The following CNGA3 variants were observed in gnomAD, a reference collection of about 807,000 sequenced individuals.
CNGA3 encodes cyclic nucleotide gated channel subunit alpha 3, also known as cyclic nucleotide-gated channel alpha-3.
Under a neutral mutation model 46.6 loss-of-function variants are expected in CNGA3, and 42 were observed. The observed-to-expected ratio is 0.90, with a 90% CI of 0.70 to 1.17. The LOEUF (loss-of-function observed/expected upper bound fraction) is 1.17. Among genes scored for constraint, CNGA3 ranks in the 50% most tolerant of loss-of-function variants. The probability of loss-of-function intolerance (pLI) is 0.00; values close to 1 mark genes in which losing one functional copy is unlikely to be tolerated. For missense variants in CNGA3, 893 were observed against 890.7 expected, an observed-to-expected ratio of 1.00 and a Z score of -0.03; for synonymous variants, 394 against 369.4, an observed-to-expected ratio of 1.07 and a Z score of -0.76.
intron 2 of CNGA3, among the ~76,000 whole-genome samples, chr2:98,374,534 C>T (rs1264349543): frequency 6.6e-6 from 1 of 152,186 alleles, no homozygotes; most frequent in Non-Finnish European, 1.5e-5. Context: ...CCTGGCCCCA[C>T]GACTCTCATT....
At chr2:98,376,727 G>A (rs1692413321) in intron 2 of CNGA3, among the ~76,000 whole-genome samples, 1 of 152,208 alleles carries the variant, frequency 6.6e-6, no homozygotes, top group African/African-American at 2.4e-5. Context: ...AACAGGTCAT[G>A]TGATAGAATT....
In CNGA3 at chr2:98,397,198, C is replaced by G; in HGVS notation, c.2028C>G (p.Pro676=). The stretch of plus-strand genomic sequence containing the variant: ...AGGTGAAGGGTGGTGGGGACAAGCC[C>G]CTGGCTGATGGGGAAGTTCCCGGGG... ...ESQVKGGGDK[P]LADGEVPGDA... is the part of the protein sequence containing the mutation. The change falls in exon 8 of 8, where the codon CCC becomes CCG. Residue 676 remains proline (P), a synonymous_variant. Coordinates refer to ENST00000272602, the MANE Select transcript of CNGA3 (RefSeq NM_001298.3). 6.2e-7 allele frequency: 1 copy of G among 1,614,036 alleles called. No individual in the cohort carries two copies. The highest frequency in any genetic ancestry group is 8.5e-7 in the Non-Finnish European group (1 of 1,180,006).
At chr2:98,367,176 CTTTTTTTTCTT>C (rs1197953063) in intron 1 of CNGA3, among the ~76,000 whole-genome samples, 2 of 115,528 alleles carry the variant, frequency 1.7e-5, no homozygotes, top group African/African-American at 6.5e-5. Flanking sequence ...TGTTTTTTTT[CTTTTTTTTCTT>C]TTTTTTTTTT....
At chr2:98,377,936 C>A in intron 3 of CNGA3, 136 bp downstream of exon 3, 1 of 1,323,736 alleles carries the variant, frequency 7.6e-7, no homozygotes, top group Non-Finnish European at 1.0e-6. Flanking sequence ...AGCAGAGCAG[C>A]CTGAAAACTA....
intron 1 of CNGA3, among the ~76,000 whole-genome samples, 185 bp downstream of exon 1, chr2:98,346,719 G>A (rs891678660): frequency 6.6e-6 from 1 of 152,108 alleles, no homozygotes; most frequent in African/African-American, 2.4e-5. Context: ...GCGGGCTGGA[G>A]AGAAAGTGAA....
At chr2:98,383,169 T>C (rs1433303478) in intron 4 of CNGA3, among the ~76,000 whole-genome samples, 2 of 152,184 alleles carry the variant, frequency 1.3e-5, no homozygotes, top group Non-Finnish European at 2.9e-5. Flanking sequence ...AGTTTAGCCA[T>C]GTTCACTCTC....
chr2:98,376,302 A>G (rs1267824563), intron 2 of CNGA3, among the ~76,000 whole-genome samples: 1 of 152,024 alleles, frequency 6.6e-6, no homozygotes, highest in Non-Finnish European at 1.5e-5. Flanking sequence ...TGCTCACAGG[A>G]GAAGGACCAT....
intron 3 of CNGA3, 191 bp downstream of exon 3, chr2:98,377,991 A>G (rs1415080405): frequency 4.7e-6 from 7 of 1,499,010 alleles, no homozygotes; most frequent in South Asian, 2.6e-5. Context: ...GAGCTCAGAA[A>G]AGTCTAAGGA....
intron 1 of CNGA3, among the ~76,000 whole-genome samples, chr2:98,356,916 A>G (rs190165956): frequency 7.9e-4 from 121 of 152,340 alleles, no homozygotes; most frequent in African/African-American, 2.8e-3. Context: ...GGAAATTTTC[A>G]GTGTGACTCA....
At chr2:98,346,742 A>G (rs1691633516) in intron 1 of CNGA3, among the ~76,000 whole-genome samples, 1 of 151,960 alleles carries the variant, frequency 6.6e-6, no homozygotes. Flanking sequence ...AGGATCGGCT[A>G]CGGCCTCGGC....
intron 1 of CNGA3, among the ~76,000 whole-genome samples, chr2:98,367,351 C>G (rs1023301848): frequency 6.6e-6 from 1 of 151,730 alleles, no homozygotes; most frequent in Non-Finnish European, 1.5e-5. Context: ...CCCACCACCA[C>G]GCCCGGCTAA....
intron 1 of CNGA3, among the ~76,000 whole-genome samples, chr2:98,368,455 AT>A (rs1202255644): frequency 7.2e-5 from 11 of 152,232 alleles, no homozygotes; most frequent in African/African-American, 2.4e-4. Flanking sequence ...TGAAAGACTT[AT>A]CCAAAAATCA....
intron 5 of CNGA3, among the ~76,000 whole-genome samples, chr2:98,389,025 C>T (rs1028670163): frequency 1.8e-4 from 27 of 152,358 alleles, no homozygotes; most frequent in Admixed American, 1.5e-3. Flanking sequence ...GTTAAGCACT[C>T]TAAGCTATGT....
In CNGA3 at chr2:98,395,981, C is replaced by G. The variant is rs149802213; in HGVS notation, c.811C>G (p.Pro271Ala). ...LAYLKVGTNY[P>A]EVRFNRLLKF... ...TTACTTAAAGGTGGGCACAAACTACCCAGAAGTGAGGTTCAACCGCCTACT... is the reference window on the plus strand; with the variant it reads ...TTACTTAAAGGTGGGCACAAACTACGCAGAAGTGAGGTTCAACCGCCTACT... Residue 271 changes from proline (P) to alanine (A), a missense_variant, in exon 8 of 8, where the codon CCA (proline) becomes GCA (alanine). Physicochemically the swap from Pro to Ala is conservative, Grantham distance 27 (BLOSUM62 -1). Coordinates refer to ENST00000272602, the MANE Select transcript of CNGA3 (RefSeq NM_001298.3). 195 of 1,614,178 alleles carry G rather than the reference C, an allele frequency of 1.2e-4. No individual in the cohort carries two copies. Among genetic ancestry groups the G allele is most frequent in the Middle Eastern group, 1.2e-3 (7 of 6,062 alleles).
At chr2:98,353,714 A>G (rs1041915306) in intron 1 of CNGA3, among the ~76,000 whole-genome samples, 1 of 152,184 alleles carries the variant, frequency 6.6e-6, no homozygotes, top group Non-Finnish European at 1.5e-5. Flanking sequence ...GAACTTGGTA[A>G]TTTATAAAGA....
rs1332259500 is a variant in CNGA3 at position 98,346,513 on chromosome 2, G to T, written c.-59G>T. ...GCTCCGCAGACCCTGGCGCGCCGCG[G>T]AGAAGCTCAAACTTTGGCAGGGTAA... is the stretch of plus-strand genomic sequence containing the variant. On this transcript the variant is annotated 5_prime_UTR_variant, in exon 1 of 8. Coordinates refer to ENST00000272602, the MANE Select transcript of CNGA3 (RefSeq NM_001298.3). 1 of 398,206 alleles carries T rather than the reference G, an allele frequency of 2.5e-6. No individual in the cohort carries two copies. Among genetic ancestry groups the T allele is most frequent in the Non-Finnish European group, 4.4e-6 (1 of 225,940 alleles). The allele number at this position is 398,206 out of a possible 1,614,324, so 24.7% of individuals were successfully genotyped here.
intron 1 of CNGA3, among the ~76,000 whole-genome samples, chr2:98,360,336 G>A (rs755982326): frequency 2.0e-5 from 3 of 152,244 alleles, no homozygotes; most frequent in Non-Finnish European, 4.4e-5. Context: ...AGTGGGACCA[G>A]AGTTTGTGCC....
At chr2:98,348,277 A>C (rs958073573) in intron 1 of CNGA3, among the ~76,000 whole-genome samples, 1 of 152,202 alleles carries the variant, frequency 6.6e-6, no homozygotes, top group East Asian at 1.9e-4. Flanking sequence ...TGGAGGCAGG[A>C]TCTTAATCAC....
At position 98,361,943 on chromosome 2, in the gene CNGA3, G is replaced by A. The variant is rs542413275; in HGVS notation, c.-37-7996G>A. 9.9e-5 allele frequency among the ~76,000 whole-genome samples: 15 copies of A among 151,890 alleles called. No homozygotes were observed. The South Asian group carries it at 1.9e-3, about 19-fold the overall frequency. ...AGGATGGTCTCGATTTCCTGGCCTC[G>A]TGATCCACCTGCCTCGGCCTCCCAA... On this transcript the variant is annotated intron_variant, in intron 1 of 7. Coordinates refer to ENST00000272602, the MANE Select transcript of CNGA3 (RefSeq NM_001298.3).
Sources: allele counts gnomAD v4.1 joint callset (sites outside exome capture counted in the v4.1 genomes callset), GRCh38; gene constraint gnomAD v4.1.1; transcripts MANE v1.5; gene names NCBI Gene and HGNC (gene_info 2026-07-23, HGNC 2026-07-21).